Variants in GNAQ observed in about 807,000 individuals in gnomAD.
The protein encoded by GNAQ is guanine nucleotide-binding protein G(q) subunit alpha.
In GNAQ, 8 loss-of-function variants were observed where a neutral mutation model predicts 43.9. That is an observed-to-expected ratio of 0.18 (90% confidence interval 0.11 to 0.33). The LOEUF is 0.33. Among genes scored for constraint, GNAQ ranks in the 10% least tolerant of loss-of-function variants. The pLI is 1.00. For synonymous variants in GNAQ, 155 were observed against 170.7 expected (o/e 0.91, Z 0.71); for missense variants, 158 against 450.8 (o/e 0.35, Z 5.88).
intron 1 of GNAQ, among the ~76,000 whole-genome samples, chr9:77,966,698 G>A (rs917609855): frequency 6.6e-6 from 1 of 152,132 alleles, no homozygotes; most frequent in Admixed American, 6.5e-5. Flanking sequence ...TACTCATGAG[G>A]GGAAAGAGGT....
At chr9:77,772,153 G>A (rs910270234) in intron 5 of GNAQ, among the ~76,000 whole-genome samples, 9 of 152,082 alleles carry the variant, frequency 5.9e-5, no homozygotes, top group African/African-American at 2.2e-4. Context: ...ATTGTACCTA[G>A]TCCCCCAACC....
intron 1 of GNAQ, among the ~76,000 whole-genome samples, chr9:78,009,773 C>A (rs1823751656): frequency 6.6e-6 from 1 of 151,912 alleles, no homozygotes; most frequent in Non-Finnish European, 1.5e-5. Flanking sequence ...GAAGGATGTT[C>A]CCAGAATTAG....
chr9:78,030,354 A>T (rs1386688780), intron 1 of GNAQ, among the ~76,000 whole-genome samples: 1 of 152,056 alleles, frequency 6.6e-6, no homozygotes, highest in Non-Finnish European at 1.5e-5. Context: ...GACGAGAATA[A>T]CGCCTGTCAC....
At chr9:77,976,517 C>CA in intron 1 of GNAQ, among the ~76,000 whole-genome samples, 1 of 152,242 alleles carries the variant, frequency 6.6e-6, no homozygotes, top group East Asian at 1.9e-4. Context: ...CTCAGCCTCC[C>CA]AAGTAGCTGG....
At chr9:77,982,211 T>C (rs1481786239) in intron 1 of GNAQ, among the ~76,000 whole-genome samples, 1 of 152,228 alleles carries the variant, frequency 6.6e-6, no homozygotes, top group Non-Finnish European at 1.5e-5. Flanking sequence ...GGCAAAGCAG[T>C]ATCACTATTC....
rs71360654 is a variant in GNAQ at position 77,828,059 on chromosome 9, C to CA, written c.322-12290dup. On this transcript the variant is annotated intron_variant, in intron 2 of 6. Coordinates refer to ENST00000286548, the MANE Select transcript of GNAQ (RefSeq NM_002072.5). ...TGGGCGACAGAGTGAGACTCCTCCT[C>CA]AAAAAAAAAAAAAAAAAAAAAAAAA... Among the ~76,000 whole-genome samples the CA allele has an allele frequency of 9.4e-3, 180 of 19,226 alleles. 20 individuals carry two copies. The highest frequency in any genetic ancestry group is 0.021 in the East Asian group (8 of 390). The allele number at this position is 19,226 out of a possible 152,430, so 12.6% of individuals were successfully genotyped here. A position where few individuals can be genotyped will look rare whatever the true frequency, so the allele number is the denominator to read the frequency against.
At chr9:77,919,842 T>C (rs4237275) in intron 2 of GNAQ, among the ~76,000 whole-genome samples, 44,172 of 152,022 alleles carry the variant, frequency 0.29, 6,561 homozygotes, top group South Asian at 0.44. Flanking sequence ...AATGTCTACT[T>C]AATTAGAATT....
chr9:77,794,469 G>A lies in GNAQ; in HGVS notation c.729C>T (p.Asp243=), dbSNP rs771878174. The A allele has an allele frequency of 3.8e-6, 6 of 1,593,116 alleles. No individual in the cohort carries two copies. The Admixed American group carries it at 1.0e-4, about 27-fold the overall frequency. ...CTGTCTAAAGAACACTTACCTCATT[G>A]TCTGACTCCACGAGAACTTGATCAT... ...SEYDQVLVES[D]NENRMEESKA... Residue 243 remains aspartate, a synonymous_variant, in exon 5 of 7, where the codon GAC becomes GAT. Coordinates refer to ENST00000286548, the MANE Select transcript of GNAQ (RefSeq NM_002072.5).
chr9:77,820,516 C>T (rs116467487), intron 2 of GNAQ, among the ~76,000 whole-genome samples: 63 of 152,304 alleles, frequency 4.1e-4, no homozygotes, highest in African/African-American at 1.4e-3. Flanking sequence ...CCTCTCCACA[C>T]TTATGATTCA....
intron 3 of GNAQ, among the ~76,000 whole-genome samples, chr9:77,807,981 T>C (rs771462575): frequency 1.8e-4 from 28 of 152,286 alleles, no homozygotes; most frequent in Non-Finnish European, 3.2e-4. Context: ...AGGCCAAATT[T>C]GGCCTGCAGG....
intron 1 of GNAQ, among the ~76,000 whole-genome samples, chr9:77,984,357 T>TG (rs1276498241): frequency 6.6e-6 from 1 of 151,996 alleles, no homozygotes; most frequent in Middle Eastern, 3.4e-3. Context: ...TTTGTAGAGA[T>TG]GGGGTCTTGC....
intron 5 of GNAQ, among the ~76,000 whole-genome samples, chr9:77,733,928 T>G (rs1825534199): frequency 6.6e-6 from 1 of 152,050 alleles, no homozygotes; most frequent in Non-Finnish European, 1.5e-5. Flanking sequence ...GAGCAAACAT[T>G]CCTCTGATTA....
At chr9:77,923,872 C>T (rs1010058283) in intron 1 of GNAQ, among the ~76,000 whole-genome samples, 25 of 152,186 alleles carry the variant, frequency 1.6e-4, no homozygotes, top group South Asian at 4.2e-4. Flanking sequence ...TAGTAATACG[C>T]CATCTGTCCT....
chr9:77,913,650 A>C (rs1198910267), intron 2 of GNAQ, among the ~76,000 whole-genome samples: 2 of 152,198 alleles, frequency 1.3e-5, no homozygotes, highest in African/African-American at 4.8e-5. Context: ...AGACAAAGGA[A>C]TATATATTTT....
At chr9:77,746,291 G>A (rs1050836572) in intron 5 of GNAQ, among the ~76,000 whole-genome samples, 1 of 152,096 alleles carries the variant, frequency 6.6e-6, no homozygotes, top group African/African-American at 2.4e-5. Flanking sequence ...AAACAACATA[G>A]GATCTAGAAA....
At chr9:77,765,300 AAAT>A (rs146087340) in intron 5 of GNAQ, among the ~76,000 whole-genome samples, 6,942 of 152,276 alleles carry the variant, frequency 0.046, 201 homozygotes, top group Non-Finnish European at 0.067. Flanking sequence ...AAACTAAAGA[AAAT>A]AATAATTTAA....
intron 2 of GNAQ, among the ~76,000 whole-genome samples, chr9:77,872,490 T>C (rs556783104): frequency 1.1e-4 from 16 of 152,176 alleles, no homozygotes; most frequent in South Asian, 2.1e-4. Context: ...AATATACATA[T>C]AAATTTGTAA....
chr9:77,882,320 C>T (rs1441197845), intron 2 of GNAQ, among the ~76,000 whole-genome samples: 3 of 152,160 alleles, frequency 2.0e-5, no homozygotes, highest in East Asian at 3.9e-4. Context: ...ATTACTGTTC[C>T]AGATCTTGTA....
intron 5 of GNAQ, among the ~76,000 whole-genome samples, chr9:77,773,135 A>G (rs1826252234): frequency 6.6e-6 from 1 of 152,240 alleles, no homozygotes; most frequent in Middle Eastern, 3.2e-3. Flanking sequence ...ATTGTAAAAG[A>G]AATTTTCTTA....
Sources: gnomAD v4.1 joint callset for allele counts (sites outside exome capture counted in the v4.1 genomes callset) on GRCh38, gnomAD v4.1.1 for gene constraint, MANE v1.5 for transcripts, NCBI Gene and HGNC (gene_info 2026-07-23, HGNC 2026-07-21) for gene names.